SPAG16: variants seen among roughly 807,000 people sequenced by gnomAD.
SPAG16 encodes the protein sperm associated antigen 16.
A neutral mutation model predicts 80.4 loss-of-function variants in SPAG16; 86 were observed. The observed-to-expected ratio is 1.07, with a 90% CI of 0.90 to 1.28. The LOEUF (loss-of-function observed/expected upper bound fraction) is 1.28, where lower values mean the gene tolerates loss of function less well. Among genes scored for constraint, SPAG16 ranks in the 50% most tolerant of loss-of-function variants. The pLI, the probability that SPAG16 is intolerant of heterozygous loss-of-function variation, is 0.00. For synonymous variants in SPAG16, 294 were observed against 265.9 expected (o/e 1.11, Z -1.03); for missense variants, 870 against 765.3 (o/e 1.14, Z -1.61).
At chr2:214,148,122 G>T (rs13429372) in intron 14 of SPAG16, among the ~76,000 whole-genome samples, 11,441 of 152,138 alleles carry the variant, frequency 0.075, 1,340 homozygotes, top group African/African-American at 0.25. Flanking sequence ...CATAATTGAT[G>T]ATTTTAATGT....
intron 10 of SPAG16, among the ~76,000 whole-genome samples, chr2:213,782,170 A>G (rs1311228298): frequency 6.7e-6 from 1 of 149,210 alleles, no homozygotes; most frequent in Non-Finnish European, 1.5e-5. Context: ...CTAAACTGTA[A>G]TAGTCTTCAG....
intron 4 of SPAG16, among the ~76,000 whole-genome samples, chr2:213,315,408 CT>C (rs910683341): frequency 6.6e-6 from 1 of 151,880 alleles, no homozygotes; most frequent in Non-Finnish European, 1.5e-5. Context: ...CTCTCACAGA[CT>C]TAAGGATACT....
chr2:213,722,661 GA>G (rs1253049734), intron 10 of SPAG16, among the ~76,000 whole-genome samples: 1 of 152,142 alleles, frequency 6.6e-6, no homozygotes, highest in Non-Finnish European at 1.5e-5. Flanking sequence ...TGCGGTTTAG[GA>G]CAAGCAATCC....
chr2:214,286,024 G>A (rs1437043969), intron 15 of SPAG16, among the ~76,000 whole-genome samples: 1 of 151,942 alleles, frequency 6.6e-6, no homozygotes, highest in Non-Finnish European at 1.5e-5. Flanking sequence ...TTATTCCATT[G>A]AGTTAACTTT....
intron 12 of SPAG16, among the ~76,000 whole-genome samples, chr2:213,983,775 T>C (rs937006694): frequency 6.6e-6 from 1 of 152,028 alleles, no homozygotes; most frequent in African/African-American, 2.4e-5. Flanking sequence ...ATAGGGGGTG[T>C]TGAAGAAGCC....
chr2:213,697,746 C>A (rs1357326318), intron 10 of SPAG16, among the ~76,000 whole-genome samples: 1 of 152,164 alleles, frequency 6.6e-6, no homozygotes, highest in Non-Finnish European at 1.5e-5. Context: ...TCATTCCTTT[C>A]CTTTGTATCT....
chr2:214,317,394 A>C (rs1223723332), intron 15 of SPAG16, among the ~76,000 whole-genome samples: 2 of 152,224 alleles, frequency 1.3e-5, no homozygotes, highest in Non-Finnish European at 2.9e-5. Context: ...CAAAGATGTG[A>C]ACTGAAACAT....
intron 13 of SPAG16, among the ~76,000 whole-genome samples, chr2:214,039,864 G>T (rs1349483503): frequency 6.6e-6 from 1 of 152,194 alleles, no homozygotes; most frequent in East Asian, 1.9e-4. Flanking sequence ...GACTTTAGGG[G>T]CTAGGGTTTT....
At chr2:214,050,553 T>TCAG (rs10625344) in intron 13 of SPAG16, among the ~76,000 whole-genome samples, 146,439 of 152,126 alleles carry the variant, frequency 0.96, 70,661 homozygotes, top group Non-Finnish European at 0.99. Context: ...ATTAATGACA[T>TCAG]AGAACAGAAT....
chr2:213,422,139 T>C (rs2069631903), intron 9 of SPAG16: 1 of 694,290 alleles, frequency 1.4e-6, no homozygotes, highest in African/African-American at 1.8e-5. Flanking sequence ...ACTTTGCAGG[T>C]GATGAGAAGG....
chr2:213,893,514 C>G (rs1038317058), intron 11 of SPAG16, among the ~76,000 whole-genome samples: 1 of 151,984 alleles, frequency 6.6e-6, no homozygotes, highest in Non-Finnish European at 1.5e-5. Flanking sequence ...GTTACAGGAA[C>G]CTGTTAAGAG....
At chr2:214,013,605 T>C (rs1166056531) in intron 12 of SPAG16, among the ~76,000 whole-genome samples, 2 of 152,182 alleles carry the variant, frequency 1.3e-5, no homozygotes, top group African/African-American at 4.8e-5. Context: ...AAGTTTATTT[T>C]GTCTGATGAA....
At chr2:213,343,442 G>C (rs1012084324) in intron 6 of SPAG16, among the ~76,000 whole-genome samples, 7 of 152,056 alleles carry the variant, frequency 4.6e-5, no homozygotes, top group African/African-American at 1.7e-4. Context: ...ACAAGTGTAT[G>C]TCCAACATAC....
intron 13 of SPAG16, among the ~76,000 whole-genome samples, chr2:214,062,625 A>G (rs1576031437): frequency 6.7e-6 from 1 of 149,446 alleles, no homozygotes; most frequent in East Asian, 2.0e-4. Context: ...AATTCATCAC[A>G]ATATCTTGTT....
At chr2:214,403,686 G>A (rs1367178803) in intron 15 of SPAG16, among the ~76,000 whole-genome samples, 1 of 152,104 alleles carries the variant, frequency 6.6e-6, no homozygotes, top group African/African-American at 2.4e-5. Context: ...CAAATAATAT[G>A]TACTACAAAT....
rs1402087117 is a variant in SPAG16, at chr2:214,308,146, C to T, written c.1721-101994C>T. 2.6e-5 allele frequency among the ~76,000 whole-genome samples: 4 copies of T among 152,112 alleles called. No homozygotes were observed. The East Asian group carries it at 7.7e-4, about 29-fold the overall frequency. ...TAACCCTTTACCATTATGTAATGCC[C>T]TTCTGTGTCCTTTTTGATCTTTGTT... On this transcript the variant is annotated intron_variant, in intron 15 of 15. Transcript: ENST00000331683.
chr2:213,443,539 A>G (rs939991381), intron 9 of SPAG16, among the ~76,000 whole-genome samples: 2 of 152,014 alleles, frequency 1.3e-5, no homozygotes, highest in African/African-American at 4.8e-5. Flanking sequence ...CAATTTCTTT[A>G]TTCATTAATC....
intron 15 of SPAG16, among the ~76,000 whole-genome samples, chr2:214,385,072 A>C (rs1422529788): frequency 6.6e-6 from 1 of 152,226 alleles, no homozygotes; most frequent in Non-Finnish European, 1.5e-5. Context: ...TCATAACACT[A>C]ATAGTCATTA....
At chr2:214,074,025 G>A (rs2050939369) in intron 13 of SPAG16, among the ~76,000 whole-genome samples, 2 of 152,114 alleles carry the variant, frequency 1.3e-5, no homozygotes, top group African/African-American at 4.8e-5. Context: ...GCTATTGGGA[G>A]GTAATTAGGT....
Sources: gnomAD v4.1 joint callset for allele counts (sites outside exome capture counted in the v4.1 genomes callset) on GRCh38, gnomAD v4.1.1 for gene constraint, MANE v1.5 for transcripts, NCBI Gene and HGNC (gene_info 2026-07-23, HGNC 2026-07-21) for gene names.